The following RGS6 variants were observed in gnomAD, a reference collection of about 807,000 sequenced individuals.
The protein encoded by RGS6 is regulator of G-protein signaling 6.
In RGS6, 30 loss-of-function variants were observed where a neutral mutation model predicts 78.5. That is an observed-to-expected ratio of 0.38 (90% confidence interval 0.29 to 0.52). RGS6 has a LOEUF of 0.52. Among genes scored for constraint, RGS6 ranks in the 20% least tolerant of loss-of-function variants. The pLI, the probability that RGS6 is intolerant of heterozygous loss-of-function variation, is 0.85. For synonymous variants in RGS6, 206 were observed against 206.0 expected, an observed-to-expected ratio of 1.00 and a Z score of 0.00; for missense variants, 495 against 609.7, an observed-to-expected ratio of 0.81 and a Z score of 1.98.
chr14:72,138,845 G>T (rs1459724592), intron 2 of RGS6, among the ~76,000 whole-genome samples: 1 of 152,112 alleles, frequency 6.6e-6, no homozygotes, highest in Non-Finnish European at 1.5e-5. Context: ...AGATGGGACT[G>T]TCTACAGATG....
chr14:72,185,558 T>C (rs1221852634), intron 2 of RGS6, among the ~76,000 whole-genome samples: 2 of 152,240 alleles, frequency 1.3e-5, no homozygotes, highest in Non-Finnish European at 2.9e-5. Context: ...GGATAGAATG[T>C]GGTTAACTAG....
At chr14:72,517,132 C>T (rs1190482979) in intron 14 of RGS6, among the ~76,000 whole-genome samples, 1 of 100,936 alleles carries the variant, frequency 9.9e-6, no homozygotes, top group Non-Finnish European at 2.2e-5. Context: ...ACATGTTTAA[C>T]CCTAAAAAAA....
the RGS6 span, among the ~76,000 whole-genome samples, chr14:71,908,955 T>G: frequency 6.6e-6 from 1 of 152,072 alleles, no homozygotes; most frequent in Non-Finnish European, 1.5e-5. Flanking sequence ...ATACAGAACA[T>G]CTCCCACCAA....
intron 15 of RGS6, among the ~76,000 whole-genome samples, chr14:72,531,431 C>CAAAAAAAA (rs58751762): frequency 1.0e-4 from 7 of 66,728 alleles, no homozygotes; most frequent in Admixed American, 1.6e-4. Flanking sequence ...GACTTTATCT[C>CAAAAAAAA]AAAAAAAAAA....
In RGS6 at chr14:72,540,319, C is replaced by T. The variant is rs578253747; in HGVS notation, c.1422+225C>T. The T allele has an allele frequency of 1.4e-5, 21 of 1,473,374 alleles. No individual in the cohort carries two copies. The South Asian group carries it at 2.1e-4, about 15-fold the overall frequency. The allele number at this position is 1,473,374 out of a possible 1,614,324, so 91.3% of individuals were successfully genotyped here. On this transcript the variant is annotated intron_variant, in intron 17 of 17. Transcript: ENST00000553525. ...AGCGGCTCCCTCTGCAGAAGGTGCA[C>T]CCTTGATCGCCCAGCCTCAGGCCTG...
chr14:72,491,997 C>G (rs1051460304), intron 12 of RGS6, among the ~76,000 whole-genome samples: 1 of 152,118 alleles, frequency 6.6e-6, no homozygotes, highest in East Asian at 1.9e-4. Flanking sequence ...CACATACGCT[C>G]AGATCTCAGA....
intron 2 of RGS6, among the ~76,000 whole-genome samples, chr14:72,075,549 A>AT (rs1237675793): frequency 7.2e-5 from 11 of 152,330 alleles, no homozygotes; most frequent in Non-Finnish European, 1.5e-4. Flanking sequence ...TATTATAAAT[A>AT]TATGACATGT....
intron 2 of RGS6, among the ~76,000 whole-genome samples, chr14:72,286,853 G>A (rs999431075): frequency 4.8e-5 from 7 of 146,604 alleles, no homozygotes; most frequent in South Asian, 2.3e-4. Flanking sequence ...GCACAATCTC[G>A]GCTCACTGCA....
chr14:71,918,184 CAAAAAAAAAAAAAAAAAAAA>C, the RGS6 span, among the ~76,000 whole-genome samples: 932 of 33,698 alleles, frequency 0.028, 13 homozygotes, highest in African/African-American at 0.071. Flanking sequence ...ACTCCAGTCT[CAAAAAAAAAAAAAAAAAAAA>C]AAAAAAAAAA....
chr14:72,399,574 T>A (rs1261747682), intron 3 of RGS6, among the ~76,000 whole-genome samples: 1 of 152,206 alleles, frequency 6.6e-6, no homozygotes, highest in Non-Finnish European at 1.5e-5. Flanking sequence ...CCTGTCCTTA[T>A]GATGTTAGCT....
chr14:71,973,423 G>T (rs1298112786), intron 2 of RGS6, among the ~76,000 whole-genome samples: 3 of 149,214 alleles, frequency 2.0e-5, no homozygotes, highest in African/African-American at 7.4e-5. Context: ...AGTGGCTCAT[G>T]CCTGTAATCC....
At chr14:71,908,646 A>G in the RGS6 span, among the ~76,000 whole-genome samples, 1 of 152,130 alleles carries the variant, frequency 6.6e-6, no homozygotes, top group Non-Finnish European at 1.5e-5. Context: ...TGTCAATTCT[A>G]TTGGAGAATC....
intron 10 of RGS6, among the ~76,000 whole-genome samples, chr14:72,476,363 G>C (rs1406164574): frequency 6.6e-6 from 1 of 152,200 alleles, no homozygotes; most frequent in South Asian, 2.1e-4. Flanking sequence ...TAAAAGTGCA[G>C]ATTTCCAAAC....
chr14:72,284,205 C>G (rs1386979159), intron 2 of RGS6, among the ~76,000 whole-genome samples: 1 of 152,200 alleles, frequency 6.6e-6, no homozygotes, highest in Admixed American at 6.5e-5. Flanking sequence ...TAGAAAAACC[C>G]ATTTTCTGAG....
At chr14:71,994,149 T>C (rs1271706652) in intron 2 of RGS6, among the ~76,000 whole-genome samples, 1 of 152,176 alleles carries the variant, frequency 6.6e-6, no homozygotes, top group East Asian at 1.9e-4. Flanking sequence ...CAGTTTGTAC[T>C]TTCCTTTCCT....
chr14:72,098,241 C>T (rs950633320), intron 2 of RGS6, among the ~76,000 whole-genome samples: 1 of 152,178 alleles, frequency 6.6e-6, no homozygotes, highest in Non-Finnish European at 1.5e-5. Context: ...CCCTCTGGAC[C>T]CTTCTCTCAG....
chr14:72,386,610 G>A lies in RGS6; in HGVS notation c.184+34416G>A, dbSNP rs539992484. Among the ~76,000 whole-genome samples the A allele has an allele frequency of 8.1e-4, 123 of 152,280 alleles. 1 individual carries two copies. Among genetic ancestry groups the A allele is most frequent in the Admixed American group, 1.8e-3 (28 of 15,288 alleles). On this transcript the variant is annotated intron_variant, in intron 3 of 17. Transcript: ENST00000553525. The stretch of plus-strand genomic sequence containing the variant: ...AGCATTTGTACACAAATGAGTCTGT[G>A]AGCAAAGGGCCAAGGCAAGGGGCAG...
At chr14:72,576,725 G>C in the RGS6 span, among the ~76,000 whole-genome samples, 3 of 152,156 alleles carry the variant, frequency 2.0e-5, no homozygotes, top group Non-Finnish European at 2.9e-5. Flanking sequence ...GTCAATCAAG[G>C]CTTCTCAGCA....
the RGS6 span, among the ~76,000 whole-genome samples, chr14:72,603,049 T>C: frequency 6.6e-6 from 1 of 152,268 alleles, no homozygotes. Flanking sequence ...GTAAATAGTT[T>C]TAATCTGTGA....
Sources: gnomAD v4.1 joint callset for allele counts (sites outside exome capture counted in the v4.1 genomes callset) on GRCh38, gnomAD v4.1.1 for gene constraint, MANE v1.5 for transcripts, NCBI Gene and HGNC (gene_info 2026-07-23, HGNC 2026-07-21) for gene names.